The following GALNT17 variants were observed in gnomAD, a reference collection of about 807,000 sequenced individuals.
The protein encoded by GALNT17 is UDP-GalNAc:polypeptide N-acetylgalactosaminyltransferase-like 3.
In GALNT17, 29 loss-of-function variants were observed where a neutral mutation model predicts 63.7. The ratio of observed to expected loss-of-function variants is 0.46; its 90% CI spans 0.34 to 0.62. The LOEUF is 0.62. GALNT17 is among the 20% of genes least tolerant of loss of function. GALNT17 has a pLI of 0.01. For missense variants in GALNT17, 603 were observed against 799.6 expected, an observed-to-expected ratio of 0.75 and a Z score of 2.97; for synonymous variants, 305 against 318.3, an observed-to-expected ratio of 0.96 and a Z score of 0.45.
At chr7:71,360,806 C>T (rs562380425) in intron 2 of GALNT17, among the ~76,000 whole-genome samples, 5 of 152,142 alleles carry the variant, frequency 3.3e-5, no homozygotes, top group East Asian at 3.9e-4. Context: ...GGTATGGTGG[C>T]GGGTCCCTGT....
intron 1 of GALNT17, among the ~76,000 whole-genome samples, chr7:71,329,961 A>G (rs12699020): frequency 5.6e-5 from 8 of 143,576 alleles, no homozygotes; most frequent in South Asian, 2.2e-4. Context: ...GTGTGTGTGT[A>G]TATATATACG....
intron 6 of GALNT17, among the ~76,000 whole-genome samples, chr7:71,618,283 A>T (rs190243041): frequency 2.0e-5 from 3 of 152,312 alleles, no homozygotes; most frequent in Admixed American, 1.3e-4. Context: ...ATACGAGTGC[A>T]GGTGTCTTTT....
chr7:71,160,146 A>G (rs1481148839), intron 1 of GALNT17, among the ~76,000 whole-genome samples: 2 of 152,304 alleles, frequency 1.3e-5, no homozygotes, highest in South Asian at 4.1e-4. Context: ...GGAAAAATGG[A>G]AATGAGAAAA....
intron 1 of GALNT17, among the ~76,000 whole-genome samples, chr7:71,261,877 A>G (rs1316866733): frequency 6.6e-6 from 1 of 152,202 alleles, no homozygotes. Flanking sequence ...TGCCACCTCC[A>G]TGGAAAATGA....
At chr7:71,511,817 G>A (rs1788360680) in intron 5 of GALNT17, among the ~76,000 whole-genome samples, 1 of 152,024 alleles carries the variant, frequency 6.6e-6, no homozygotes, top group South Asian at 2.1e-4. Context: ...CTGTTGCTTG[G>A]ATTGCCCAGG....
intron 3 of GALNT17, among the ~76,000 whole-genome samples, chr7:71,406,777 G>A (rs1384263631): frequency 1.3e-5 from 2 of 148,262 alleles, no homozygotes; most frequent in African/African-American, 5.0e-5. Flanking sequence ...CTGTCACCCA[G>A]GCTGGAGTGC....
chr7:71,623,620 C>T (rs943929823), intron 6 of GALNT17, among the ~76,000 whole-genome samples: 4 of 151,616 alleles, frequency 2.6e-5, no homozygotes, highest in Admixed American at 6.6e-5. Flanking sequence ...GCTGGAGTGC[C>T]GGACAAGGTT....
chr7:71,360,236 GACTTCTAGTGA>G (rs1283425138), intron 2 of GALNT17, among the ~76,000 whole-genome samples: 1 of 152,172 alleles, frequency 6.6e-6, no homozygotes, highest in Non-Finnish European at 1.5e-5. Context: ...GTTTTATAAG[GACTTCTAGTGA>G]ACTCATTTGT....
intron 1 of GALNT17, among the ~76,000 whole-genome samples, chr7:71,186,173 T>C (rs1019766031): frequency 2.0e-5 from 3 of 152,242 alleles, no homozygotes; most frequent in Non-Finnish European, 4.4e-5. Context: ...ATGGGTCTTT[T>C]AGCCCTTAAA....
intron 9 of GALNT17, among the ~76,000 whole-genome samples, chr7:71,680,502 C>CT (rs1791235112): frequency 1.7e-5 from 1 of 59,148 alleles, no homozygotes; most frequent in African/African-American, 4.7e-5. Context: ...CTCCCTCTCT[C>CT]CCTTCCTCCC....
chr7:71,144,172 A>C (rs1363811157), intron 1 of GALNT17, among the ~76,000 whole-genome samples: 5 of 151,942 alleles, frequency 3.3e-5, no homozygotes, highest in Non-Finnish European at 7.4e-5. Flanking sequence ...CAACCCTACC[A>C]CTGTTTCTAG....
rs553385040 is a variant in GALNT17 at position 71,421,499 on chromosome 7, C to G, written c.962+394C>G. 4.9e-4 allele frequency among the ~76,000 whole-genome samples: 74 copies of G among 152,192 alleles called. 1 individual carries two copies. Among genetic ancestry groups the G allele is most frequent in the Middle Eastern group, 6.8e-3 (2 of 294 alleles). On this transcript the variant is annotated intron_variant, in intron 5 of 10. Transcript: ENST00000333538. ...CATGTTTGCACTCTTTTTCATGATA[C>G]AAGATCATATAGAAAAGGACAAGGG...
chr7:71,381,212 CT>C, intron 2 of GALNT17, among the ~76,000 whole-genome samples: 2 of 151,918 alleles, frequency 1.3e-5, no homozygotes, highest in African/African-American at 4.8e-5. Context: ...TCCGCTGCCT[CT>C]ACCTCCCAAA....
intron 2 of GALNT17, among the ~76,000 whole-genome samples, chr7:71,375,812 C>T (rs898916344): frequency 6.6e-6 from 1 of 152,190 alleles, no homozygotes; most frequent in Non-Finnish European, 1.5e-5. Flanking sequence ...GCTCAGCTTT[C>T]CTTGGCCAGA....
chr7:71,454,809 AC>A (rs1431323727), intron 5 of GALNT17, among the ~76,000 whole-genome samples: 1 of 152,152 alleles, frequency 6.6e-6, no homozygotes, highest in Non-Finnish European at 1.5e-5. Context: ...GAAATAGAGG[AC>A]ATGAAACCCC....
chr7:71,254,267 A>T (rs1790251184), intron 1 of GALNT17, among the ~76,000 whole-genome samples: 1 of 152,304 alleles, frequency 6.6e-6, no homozygotes, highest in South Asian at 2.1e-4. Context: ...TTTATCATGC[A>T]GATGAAGCCT....
chr7:71,175,230 C>G (rs1453517287), intron 1 of GALNT17, among the ~76,000 whole-genome samples: 2 of 152,112 alleles, frequency 1.3e-5, no homozygotes, highest in Non-Finnish European at 2.9e-5. Flanking sequence ...CCATCACTGT[C>G]TGTCCACACT....
intron 7 of GALNT17, 113 bp from the exon 8 acceptor site, chr7:71,669,859 C>T (rs867234320): frequency 1.5e-5 from 21 of 1,397,076 alleles, no homozygotes; most frequent in South Asian, 2.8e-5. Context: ...CCGTGCCCAG[C>T]CCAGGCTTAA....
At chr7:71,278,206 CCTT>C (rs1470655222) in intron 1 of GALNT17, among the ~76,000 whole-genome samples, 5 of 152,154 alleles carry the variant, frequency 3.3e-5, no homozygotes, top group Admixed American at 6.5e-5. Context: ...TTGTTAGTAG[CCTT>C]CTTTACAGAT....
Sources: gnomAD v4.1 joint callset for allele counts (sites outside exome capture counted in the v4.1 genomes callset) on GRCh38, gnomAD v4.1.1 for gene constraint, MANE v1.5 for transcripts, NCBI Gene and HGNC (gene_info 2026-07-23, HGNC 2026-07-21) for gene names.